Variants in DYNC1I1 observed in about 807,000 individuals in gnomAD.
DYNC1I1 encodes the protein cytoplasmic dynein 1 intermediate chain 1.
Under a neutral mutation model 86.6 loss-of-function variants are expected in DYNC1I1, and 43 were observed. That is an observed-to-expected ratio of 0.50 (90% confidence interval 0.39 to 0.64). The LOEUF is 0.64. Ranked by LOEUF, DYNC1I1 falls within the 30% of genes least tolerant of loss-of-function variation. The pLI, the probability that DYNC1I1 is intolerant of heterozygous loss-of-function variation, is 0.00. For missense variants in DYNC1I1, 604 were observed against 788.8 expected, an observed-to-expected ratio of 0.77 and a Z score of 2.81; for synonymous variants, 262 against 283.7, an observed-to-expected ratio of 0.92 and a Z score of 0.77.
chr7:95,918,462 G>A (rs140230428), intron 6 of DYNC1I1, among the ~76,000 whole-genome samples: 26 of 152,228 alleles, frequency 1.7e-4, no homozygotes, highest in Admixed American at 7.2e-4. Flanking sequence ...CTTCCTGGCG[G>A]TGGCAAAACA....
chr7:96,052,532 G>A (rs568025788), intron 14 of DYNC1I1, among the ~76,000 whole-genome samples: 38 of 152,274 alleles, frequency 2.5e-4, no homozygotes, highest in African/African-American at 9.1e-4. Flanking sequence ...TGAAGTTCTT[G>A]TGAAGATTAA....
At chr7:95,803,864 T>A (rs761963648) in intron 1 of DYNC1I1, among the ~76,000 whole-genome samples, 4 of 152,200 alleles carry the variant, frequency 2.6e-5, no homozygotes, top group Non-Finnish European at 5.9e-5. Context: ...CATTGGTAAT[T>A]AGTAAGAGTC....
rs553357640 is a variant in DYNC1I1, at chr7:96,020,319, G to A, written c.970-7856G>A. 3.9e-4 allele frequency among the ~76,000 whole-genome samples: 59 copies of A among 152,238 alleles called. 1 individual carries two copies. The highest frequency in any genetic ancestry group is 3.4e-3 in the Middle Eastern group (1 of 294). ...TGGTTGGGGAAGCCTCACAATCATA[G>A]TGGAAGGCAAGGAGGAGTAAGTCAT... On this transcript the variant is annotated intron_variant, in intron 10 of 16. Coordinates refer to ENST00000447467, the MANE Select transcript of DYNC1I1 (RefSeq NM_001135556.2).
At chr7:95,883,479 A>G (rs951105440) in intron 6 of DYNC1I1, among the ~76,000 whole-genome samples, 4 of 152,158 alleles carry the variant, frequency 2.6e-5, no homozygotes, top group African/African-American at 9.7e-5. Flanking sequence ...TATGTGAGAG[A>G]TGTTTGAAAC....
At chr7:95,828,980 T>C (rs1795262721) in intron 5 of DYNC1I1, among the ~76,000 whole-genome samples, 1 of 152,120 alleles carries the variant, frequency 6.6e-6, no homozygotes, top group Non-Finnish European at 1.5e-5. Context: ...ACCACAGAAA[T>C]TGCCTCCTTT....
At chr7:95,999,945 A>T (rs1234745525) in intron 10 of DYNC1I1, among the ~76,000 whole-genome samples, 1 of 152,208 alleles carries the variant, frequency 6.6e-6, no homozygotes, top group Non-Finnish European at 1.5e-5. Context: ...GTGGACACAG[A>T]GATATAAATT....
At chr7:95,841,723 A>C (rs1425932515) in intron 5 of DYNC1I1, among the ~76,000 whole-genome samples, 1 of 152,156 alleles carries the variant, frequency 6.6e-6, no homozygotes, top group Non-Finnish European at 1.5e-5. Flanking sequence ...CTCCCTGGGG[A>C]CTAGTAATTG....
intron 14 of DYNC1I1, 51 bp downstream of exon 14, chr7:96,039,472 G>A (rs779604674): frequency 1.2e-6 from 2 of 1,609,208 alleles, no homozygotes; most frequent in Admixed American, 3.3e-5. Context: ...GGCAGAGGAT[G>A]GTTTTTCATT....
At chr7:96,073,830 T>C (rs1020034307) in intron 14 of DYNC1I1, among the ~76,000 whole-genome samples, 2 of 152,186 alleles carry the variant, frequency 1.3e-5, no homozygotes, top group African/African-American at 4.8e-5. Context: ...CAAGTAGTCA[T>C]TGAAGGTGCA....
intron 1 of DYNC1I1, among the ~76,000 whole-genome samples, chr7:95,786,174 G>A (rs1008543199): frequency 6.6e-6 from 1 of 152,124 alleles, no homozygotes; most frequent in Non-Finnish European, 1.5e-5. Flanking sequence ...TCCTGAGAGT[G>A]TGGCACCAAA....
intron 5 of DYNC1I1, among the ~76,000 whole-genome samples, chr7:95,837,933 G>A (rs547431550): frequency 3.3e-5 from 5 of 152,314 alleles, no homozygotes; most frequent in South Asian, 2.1e-4. Flanking sequence ...CGTCTTCTGC[G>A]TCGCTCACGC....
chr7:96,061,712 T>TCTCACA (rs1554441137), intron 14 of DYNC1I1, among the ~76,000 whole-genome samples: 1,472 of 136,880 alleles, frequency 0.011, 25 homozygotes, highest in African/African-American at 0.038. Flanking sequence ...TCTCTCTCTC[T>TCTCACA]CACACACACA....
intron 5 of DYNC1I1, among the ~76,000 whole-genome samples, chr7:95,833,694 T>A (rs1463327816): frequency 1.2e-4 from 18 of 149,492 alleles, no homozygotes; most frequent in South Asian, 2.2e-4. Flanking sequence ...ACGTCCCTTG[T>A]AAGTTGGATT....
chr7:95,802,659 CT>C (rs1174366742), intron 1 of DYNC1I1: 2 of 152,030 alleles, frequency 1.3e-5, no homozygotes, highest in African/African-American at 4.8e-5. Flanking sequence ...ACTTTGTTTT[CT>C]TTTTTCTTTT....
chr7:95,831,945 CTTATCAT>C (rs1338260645), intron 5 of DYNC1I1, among the ~76,000 whole-genome samples: 2 of 151,914 alleles, frequency 1.3e-5, no homozygotes, highest in Non-Finnish European at 2.9e-5. Context: ...TATACATTGC[CTTATCAT>C]TGTATTGGTT....
At chr7:96,024,528 A>T (rs564385719) in intron 10 of DYNC1I1, among the ~76,000 whole-genome samples, 1 of 152,234 alleles carries the variant, frequency 6.6e-6, no homozygotes, top group African/African-American at 2.4e-5. Flanking sequence ...TTCTTACAGT[A>T]TAACAAGGCA....
chr7:95,896,425 A>G (rs929635490), intron 6 of DYNC1I1, among the ~76,000 whole-genome samples: 1 of 152,208 alleles, frequency 6.6e-6, no homozygotes, highest in Non-Finnish European at 1.5e-5. Context: ...TATTTGCTAG[A>G]TATCAAGCCT....
At chr7:95,942,567 CA>C in intron 6 of DYNC1I1, among the ~76,000 whole-genome samples, 1 of 151,996 alleles carries the variant, frequency 6.6e-6, no homozygotes. Flanking sequence ...GAGACACAAA[CA>C]AAAAAGAGAA....
chr7:95,813,136 A>G (rs1238717977), intron 3 of DYNC1I1, 111 bp from the exon 4 acceptor site: 1 of 1,550,270 alleles, frequency 6.5e-7, no homozygotes, highest in African/African-American at 1.4e-5. Context: ...TCTCCTGGCC[A>G]TACAACCACT....
Sources: gnomAD v4.1 joint callset for allele counts (sites outside exome capture counted in the v4.1 genomes callset) on GRCh38, gnomAD v4.1.1 for gene constraint, MANE v1.5 for transcripts, NCBI Gene and HGNC (gene_info 2026-07-23, HGNC 2026-07-21) for gene names.